The following CC2D2A variants were observed in gnomAD, a reference collection of about 807,000 sequenced individuals.
The protein encoded by CC2D2A is coiled-coil and C2 domain-containing protein 2A.
Under a neutral mutation model 212.9 loss-of-function variants are expected in CC2D2A, and 155 were observed. The ratio of observed to expected loss-of-function variants is 0.73; its 90% CI spans 0.64 to 0.83. CC2D2A has a LOEUF of 0.83. Among genes scored for constraint, CC2D2A ranks in the 40% least tolerant of loss-of-function variants. The pLI is 0.00. For missense variants in CC2D2A, 1,856 were observed against 1,956.2 expected (o/e 0.95, Z 0.97); for synonymous variants, 667 against 686.5 (o/e 0.97, Z 0.44).
At chr4:15,503,693 T>C (rs1237415355) in intron 6 of CC2D2A, among the ~76,000 whole-genome samples, 2 of 152,180 alleles carry the variant, frequency 1.3e-5, no homozygotes, top group Non-Finnish European at 1.5e-5. Flanking sequence ...TGGAAAGCTA[T>C]TGACAACAGT....
At chr4:15,534,837 T>C (rs1246798632) in intron 14 of CC2D2A, among the ~76,000 whole-genome samples, 1 of 152,170 alleles carries the variant, frequency 6.6e-6, no homozygotes, top group Non-Finnish European at 1.5e-5. Flanking sequence ...TGTCGTTGTA[T>C]ATCTGGTCCC....
In CC2D2A at chr4:15,576,744, G is replaced by C. The variant is rs907140906; in HGVS notation, c.3771+2418G>C. On this transcript the variant is annotated intron_variant, in intron 29 of 36. Coordinates refer to ENST00000424120, the MANE Select transcript of CC2D2A (RefSeq NM_001378615.1). ...TGTCCTAACGTATGTGTAATGCCTG[G>C]GCATTGAATTACAGATGTCTCCAGT... 5.9e-5 allele frequency: 9 copies of C among 152,674 alleles called. No homozygotes were observed. The East Asian group carries it at 9.7e-4, about 16-fold the overall frequency. The allele number at this position is 152,674 out of a possible 1,614,324, so 9.5% of individuals were successfully genotyped here.
At chr4:15,600,083 A>G (rs184383631) in intron 36 of CC2D2A, among the ~76,000 whole-genome samples, 1 of 152,356 alleles carries the variant, frequency 6.6e-6, no homozygotes, top group African/African-American at 2.4e-5. Context: ...GTGGTTATTA[A>G]TAGACGATAT....
chr4:15,526,524 T>A (rs1348150269), intron 11 of CC2D2A, among the ~76,000 whole-genome samples: 1 of 152,180 alleles, frequency 6.6e-6, no homozygotes, highest in Non-Finnish European at 1.5e-5. Flanking sequence ...TGATTAGAAT[T>A]TTTACACTTT....
rs759556765 is a variant in CC2D2A, at chr4:15,533,227, A to G, written c.1501A>G (p.Lys501Glu). The G allele has an allele frequency of 7.5e-6, 12 of 1,594,528 alleles. No individual in the cohort carries two copies. The highest frequency in any genetic ancestry group is 1.4e-5 in the African/African-American group (1 of 73,692). ...AAAATTCCGTGATGCTGAACAAGAA[A>G]AAGATAGAACATTGCTTAAGACTAT... ...TRKFRDAEQE[K>E]DRTLLKTIIK... Residue 501 changes from lysine to glutamate, a missense_variant, in exon 14 of 37, where the codon AAA becomes GAA. Lys to Glu is a moderately conservative substitution (Grantham distance 56). Coordinates refer to ENST00000424120, the MANE Select transcript of CC2D2A (RefSeq NM_001378615.1).
intron 3 of CC2D2A, among the ~76,000 whole-genome samples, chr4:15,479,809 G>T (rs1409469608): frequency 6.6e-6 from 1 of 152,206 alleles, no homozygotes; most frequent in Non-Finnish European, 1.5e-5. Flanking sequence ...TAGCTCCACA[G>T]TCACAGGCAC....
intron 6 of CC2D2A, 136 bp from the exon 7 acceptor site, chr4:15,510,003 C>A: frequency 1.5e-6 from 1 of 678,670 alleles, no homozygotes. Flanking sequence ...TGCCAGCATT[C>A]CATGCCTTAG....
intron 6 of CC2D2A, among the ~76,000 whole-genome samples, chr4:15,509,011 G>C (rs775806516): frequency 2.0e-5 from 3 of 152,136 alleles, no homozygotes; most frequent in Non-Finnish European, 4.4e-5. Context: ...TGGGTAAGAA[G>C]TTGGAAACAG....
At chr4:15,534,651 A>G (rs1718026485) in intron 14 of CC2D2A, among the ~76,000 whole-genome samples, 1 of 152,266 alleles carries the variant, frequency 6.6e-6, no homozygotes, top group Non-Finnish European at 1.5e-5. Context: ...TGACACAAAT[A>G]GTAACAAATG....
At chr4:15,577,110 C>T (rs1295346902) in intron 29 of CC2D2A, among the ~76,000 whole-genome samples, 1 of 148,690 alleles carries the variant, frequency 6.7e-6, no homozygotes, top group African/African-American at 2.5e-5. Flanking sequence ...GCTCCTACCT[C>T]AGCCTCCCAA....
chr4:15,532,372 G>A (rs1339401171), intron 13 of CC2D2A, among the ~76,000 whole-genome samples: 1 of 152,104 alleles, frequency 6.6e-6, no homozygotes, highest in East Asian at 1.9e-4. Context: ...ACTTAGGCCT[G>A]CCTTCTGGAG....
chr4:15,555,467 G>T (rs1560180385), intron 20 of CC2D2A, among the ~76,000 whole-genome samples: 1 of 152,184 alleles, frequency 6.6e-6, no homozygotes, highest in Non-Finnish European at 1.5e-5. Flanking sequence ...GGCCGGGCAT[G>T]GTGGCTCATG....
chr4:15,526,469 C>T (rs1334730992), intron 11 of CC2D2A, among the ~76,000 whole-genome samples: 1 of 152,132 alleles, frequency 6.6e-6, no homozygotes, highest in Non-Finnish European at 1.5e-5. Flanking sequence ...GAAGAGTTTG[C>T]TGAACATGTT....
At chr4:15,510,911 T>C (rs986965007) in intron 7 of CC2D2A, among the ~76,000 whole-genome samples, 1 of 152,236 alleles carries the variant, frequency 6.6e-6, no homozygotes, top group Non-Finnish European at 1.5e-5. Context: ...TATCTCAGCA[T>C]TGGCCAATAA....
intron 13 of CC2D2A, among the ~76,000 whole-genome samples, chr4:15,529,494 A>G (rs1717701748): frequency 6.6e-6 from 1 of 152,172 alleles, no homozygotes; most frequent in Non-Finnish European, 1.5e-5. Flanking sequence ...TGACTGACTC[A>G]TATCTGCAGG....
chr4:15,589,034 A>AC (rs1720974879), intron 32 of CC2D2A, among the ~76,000 whole-genome samples: 1 of 151,682 alleles, frequency 6.6e-6, no homozygotes, highest in East Asian at 1.9e-4. Context: ...TACTTCCCCA[A>AC]CCCCCAATTC....
chr4:15,481,197 GA>G, intron 4 of CC2D2A: 1 of 456,830 alleles, frequency 2.2e-6, no homozygotes, highest in Non-Finnish European at 4.4e-6. Flanking sequence ...TCACTCACAG[GA>G]GAGCTGGTTG....
intron 4 of CC2D2A, among the ~76,000 whole-genome samples, chr4:15,495,856 T>G (rs1715585965): frequency 6.6e-6 from 1 of 152,238 alleles, no homozygotes; most frequent in Non-Finnish European, 1.5e-5. Flanking sequence ...ACTCACAGTG[T>G]ATAACAGTTC....
At chr4:15,531,349 G>A (rs1484979288) in intron 13 of CC2D2A, among the ~76,000 whole-genome samples, 1 of 152,172 alleles carries the variant, frequency 6.6e-6, no homozygotes, top group East Asian at 1.9e-4. Flanking sequence ...CCTCTCCTGG[G>A]TGTCCTCGTC....
Sources: allele counts gnomAD v4.1 joint callset (sites outside exome capture counted in the v4.1 genomes callset), GRCh38; gene constraint gnomAD v4.1.1; transcripts MANE v1.5; gene names NCBI Gene and HGNC (gene_info 2026-07-23, HGNC 2026-07-21).